HDAC1: variants seen among roughly 807,000 people sequenced by gnomAD.
HDAC1 encodes protein deacetylase HDAC1.
HDAC1 carries 18 observed loss-of-function variants against 65.5 expected under a neutral mutation model. That is an observed-to-expected ratio of 0.27 (90% CI 0.19 to 0.41). The LOEUF (loss-of-function observed/expected upper bound fraction) is 0.41. HDAC1 is among the 10% of genes least tolerant of loss of function. The pLI, the probability that HDAC1 is intolerant of heterozygous loss-of-function variation, is 1.00. For missense variants in HDAC1, 373 were observed against 625.2 expected (o/e 0.60, Z 4.30); for synonymous variants, 211 against 227.9 (o/e 0.93, Z 0.67).
intron 2 of HDAC1, among the ~76,000 whole-genome samples, chr1:32,313,465 A>G (rs1295309983): frequency 6.6e-6 from 1 of 152,182 alleles, no homozygotes; most frequent in Non-Finnish European, 1.5e-5. Context: ...TTGAAGTCCT[A>G]GGCTCAAGCG....
chr1:32,292,519 G>C (rs1200021869), intron 1 of HDAC1: 1 of 822,184 alleles, frequency 1.2e-6, no homozygotes, highest in Non-Finnish European at 1.5e-6. Flanking sequence ...GCGTCGGAGC[G>C]GGGAGGCTGA....
chr1:32,317,090 A>C (rs1319408150), intron 3 of HDAC1, among the ~76,000 whole-genome samples: 1 of 151,962 alleles, frequency 6.6e-6, no homozygotes, highest in Non-Finnish European at 1.5e-5. Context: ...TTTAACTCTA[A>C]CTCTCAGCTG....
In HDAC1 at chr1:32,330,752, C is replaced by A. The variant is rs202175581; in HGVS notation, c.839-16C>A. 1 of 1,614,060 alleles carries A rather than the reference C, an allele frequency of 6.2e-7. No individual in the cohort carries two copies. The highest frequency in any genetic ancestry group is 1.3e-5 in the African/African-American group (1 of 75,024). ...CTTGGTGCTCCTGTAACTCAGCACC[C>A]CTTCTCCCACCAAAGGACACGCCAA... On this transcript the variant is annotated splice_polypyrimidine_tract_variant and intron_variant, in intron 8 of 13. Coordinates refer to ENST00000373548, the MANE Select transcript of HDAC1 (RefSeq NM_004964.3). This position sits in a 1 kb window ranked among gnomAD's most constrained non-coding sequence, Gnocchi z 4.2.
intron 1 of HDAC1, among the ~76,000 whole-genome samples, chr1:32,293,543 A>G (rs1331487606): frequency 6.6e-6 from 1 of 151,110 alleles, no homozygotes; most frequent in Non-Finnish European, 1.5e-5. Flanking sequence ...TGAGGCAGGC[A>G]GATCACTCGG....
In HDAC1 at chr1:32,316,710, G is replaced by T. The variant is rs200357047; in HGVS notation, c.208G>T (p.Asp70Tyr). 6.2e-7 allele frequency: 1 copy of T among 1,614,032 alleles called. No homozygotes were observed. The highest frequency in any genetic ancestry group is 8.5e-7 in the Non-Finnish European group (1 of 1,179,958). ...NAEEMTKYHS[D>Y]DYIKFLRSIR... Reference sequence around the variant, plus strand: ...TGAGGAGATGACCAAGTACCACAGCGATGACTACATTAAATTCTTGCGCTC... The same window carrying T: ...TGAGGAGATGACCAAGTACCACAGCTATGACTACATTAAATTCTTGCGCTC... Residue 70 changes from aspartate (D) to tyrosine (Y), a missense_variant, in exon 3 of 14, where the codon GAT becomes TAT. Asp to Tyr is a radical substitution (Grantham distance 160). Transcript: ENST00000373548.
Position 32,330,643 on chromosome 1 carries a change from C to T in HDAC1, c.795C>T (p.Ser265=), listed in dbSNP as rs190374705. The T allele has an allele frequency of 6.2e-7, 1 of 1,613,942 alleles. No homozygotes were observed. The highest frequency in any genetic ancestry group is 1.3e-5 in the African/African-American group (1 of 74,982). ...TGGTCTTACAGTGTGGCTCAGACTC[C>T]CTATCTGGGGATCGGTTAGGTTGCT... ...SAVVLQCGSD[S]LSGDRLGCFN... is the part of the protein sequence containing the mutation. The change falls in exon 8 of 14, where the codon TCC becomes TCT. Residue 265 remains serine (S), a synonymous_variant. Transcript: ENST00000373548. This position sits in a 1 kb window ranked among gnomAD's most constrained non-coding sequence, Gnocchi z 4.2.
At chr1:32,301,864 T>C (rs947719643) in intron 1 of HDAC1, among the ~76,000 whole-genome samples, 1 of 152,328 alleles carries the variant, frequency 6.6e-6, no homozygotes, top group African/African-American at 2.4e-5. Context: ...TCAAGTGATT[T>C]TCCTGCCTCA....
Position 32,333,029 on chromosome 1 carries a change from G to C in HDAC1, c.1434G>C (p.Glu478Asp). The change falls in exon 14 of 14, where the codon GAG (glutamate) becomes GAC (aspartate). Residue 478 changes from glutamate to aspartate, a missense_variant. Physicochemically the swap from Glu to Asp is conservative, Grantham distance 45. This residue lies in a region of HDAC1 where 126 missense variants were observed against 126.2 expected (regional missense o/e 1.00). Transcript: ENST00000373548. ...EKPEAKGVKEEVKLA is the reference protein window; with the variant it reads ...EKPEAKGVKEDVKLA ...GCTCTCTCCACAGGGTCAAGGAGGA[G>C]GTCAAGTTGGCCTGAATGGACCTCT... 1 of 1,613,870 alleles carries C rather than the reference G, an allele frequency of 6.2e-7. No individual in the cohort carries two copies. Among genetic ancestry groups the C allele is most frequent in the Non-Finnish European group, 8.5e-7 (1 of 1,179,880 alleles).
intron 2 of HDAC1, among the ~76,000 whole-genome samples, chr1:32,312,981 C>A (rs1007112461): frequency 4.0e-5 from 6 of 151,134 alleles, no homozygotes; most frequent in Non-Finnish European, 7.4e-5. Flanking sequence ...TGGCCATGAA[C>A]TTTAAAAGGT....
intron 2 of HDAC1, among the ~76,000 whole-genome samples, chr1:32,316,283 C>CAAAAAAAAAAAAA (rs879826419): frequency 2.2e-5 from 3 of 139,394 alleles, no homozygotes; most frequent in African/African-American, 8.6e-5. Context: ...GACTCCGTCT[C>CAAAAAAAAAAAAA]AAAAAAAAAA....
chr1:32,310,782 G>A (rs540096322), intron 2 of HDAC1, among the ~76,000 whole-genome samples: 4 of 151,920 alleles, frequency 2.6e-5, no homozygotes, highest in South Asian at 4.2e-4. Context: ...TCTGGGAGGC[G>A]GAGGTTGCAG....
chr1:32,300,803 G>C (rs1640837850), intron 1 of HDAC1, among the ~76,000 whole-genome samples: 1 of 152,154 alleles, frequency 6.6e-6, no homozygotes, highest in African/African-American at 2.4e-5. Flanking sequence ...CTGGAGCACA[G>C]GTTGGCAAAC....
intron 1 of HDAC1, among the ~76,000 whole-genome samples, chr1:32,297,517 C>T (rs1231466700): frequency 6.6e-6 from 1 of 152,038 alleles, no homozygotes; most frequent in African/African-American, 2.4e-5. Context: ...CATAATGGCA[C>T]CACTGCACTC....
chr1:32,327,532 C>T lies in HDAC1; in HGVS notation c.495-4C>T. 6.2e-7 allele frequency: 1 copy of T among 1,612,466 alleles called. No individual in the cohort carries two copies. Among genetic ancestry groups the T allele is most frequent in the Non-Finnish European group, 8.5e-7 (1 of 1,179,102 alleles). ...CCAGACCCCTGACCCCCTTCTGATC[C>T]TAGGTATCACCAGAGGGTGCTGTAC... On this transcript the variant is annotated splice_region_variant and splice_polypyrimidine_tract_variant and intron_variant, in intron 5 of 13. Transcript: ENST00000373548. This position sits in a 1 kb window ranked among gnomAD's most constrained non-coding sequence, Gnocchi z 6.0.
In HDAC1 at chr1:32,331,923, G is replaced by C. The variant is rs1031030801; in HGVS notation, c.1219+117G>C. On this transcript the variant is annotated intron_variant, in intron 11 of 13. Transcript: ENST00000373548. This position sits in a 1 kb window ranked among gnomAD's most constrained non-coding sequence, Gnocchi z 4.2. ...CCCACCTGTAGAGAAATCTGTTTTC[G>C]AGTTCCAGTGCCTGTAGGAACAGGT... 21 of 1,432,524 alleles carry C rather than the reference G, an allele frequency of 1.5e-5. 1 individual carries two copies. The South Asian group carries it at 2.9e-4, about 20-fold the overall frequency. The allele number at this position is 1,432,524 out of a possible 1,614,324, so 88.7% of individuals were successfully genotyped here.
rs1557613368 is a variant in HDAC1 at position 32,331,442 on chromosome 1, C to G, written c.980-32C>G. On this transcript the variant is annotated intron_variant, in intron 9 of 13. Coordinates refer to ENST00000373548, the MANE Select transcript of HDAC1 (RefSeq NM_004964.3). This position sits in a 1 kb window ranked among gnomAD's most constrained non-coding sequence, Gnocchi z 4.2. ...AATGGTTAGGGTGCGGTGGCCAGGTCTCTTGACGGTCTTCTCTCCTGCCCC... is the reference window on the plus strand; with the variant it reads ...AATGGTTAGGGTGCGGTGGCCAGGTGTCTTGACGGTCTTCTCTCCTGCCCC... 7.6e-7 allele frequency: 1 copy of G among 1,311,554 alleles called. No individual in the cohort carries two copies. The highest frequency in any genetic ancestry group is 2.3e-5 in the East Asian group (1 of 43,434). The allele number at this position is 1,311,554 out of a possible 1,614,324, so 81.2% of individuals were successfully genotyped here. A position where few individuals can be genotyped will look rare whatever the true frequency, so the allele number is the denominator to read the frequency against.
chr1:32,324,100 TAAA>T (rs776697437), intron 3 of HDAC1, among the ~76,000 whole-genome samples: 2 of 132,316 alleles, frequency 1.5e-5, no homozygotes, highest in Admixed American at 7.6e-5. Context: ...GCTCTGTCTC[TAAA>T]AAAAAAAAAA....
chr1:32,318,907 T>C lies in HDAC1; in HGVS notation c.280+2125T>C, dbSNP rs568950444. ...GCTGAGGCAAGCAGATCACCTGGGG[T>C]CGGGAGTTTGAGACCAGCCTGGCCA... On this transcript the variant is annotated intron_variant, in intron 3 of 13. Transcript: ENST00000373548. Among the ~76,000 whole-genome samples the C allele has an allele frequency of 7.2e-5, 11 of 151,736 alleles. No individual in the cohort carries two copies. In the East Asian group the frequency reaches 1.2e-3, roughly 16 times the overall value.
At chr1:32,322,024 A>G (rs1414171516) in intron 3 of HDAC1, among the ~76,000 whole-genome samples, 1 of 152,142 alleles carries the variant, frequency 6.6e-6, no homozygotes. Context: ...GGCACCCTCC[A>G]AGTTTAGTGC....
Sources: gnomAD v4.1 joint callset for allele counts (sites outside exome capture counted in the v4.1 genomes callset) on GRCh38, gnomAD v4.1.1 for gene constraint, gnomAD v4.1.1 regional missense constraint, Gnocchi (gnomAD v3.1) non-coding constraint, MANE v1.5 for transcripts, NCBI Gene and HGNC (gene_info 2026-07-23, HGNC 2026-07-21) for gene names.